The following FGGY variants were observed in gnomAD, a reference collection of about 807,000 sequenced individuals.
The protein encoded by FGGY is FGGY carbohydrate kinase domain-containing protein.
In FGGY, 72 loss-of-function variants were observed where a neutral mutation model predicts 71.3. The ratio of observed to expected loss-of-function variants is 1.01; its 90% confidence interval spans 0.84 to 1.23. The LOEUF (loss-of-function observed/expected upper bound fraction) is 1.23. Among genes scored for constraint, FGGY ranks in the 50% most tolerant of loss-of-function variants. The probability of loss-of-function intolerance (pLI) is 0.00; values close to 1 mark genes in which losing one functional copy is unlikely to be tolerated. For synonymous variants in FGGY, 251 were observed against 250.3 expected (o/e 1.00, Z -0.02); for missense variants, 668 against 682.3 (o/e 0.98, Z 0.23).
At chr1:59,350,390 A>G (rs1273899593) in intron 4 of FGGY, among the ~76,000 whole-genome samples, 1 of 152,196 alleles carries the variant, frequency 6.6e-6, no homozygotes, top group Non-Finnish European at 1.5e-5. Flanking sequence ...GCAATATACA[A>G]AGTGCTTTGG....
chr1:59,679,546 G>A (rs1444099650), intron 14 of FGGY, among the ~76,000 whole-genome samples: 1 of 151,616 alleles, frequency 6.6e-6, no homozygotes, highest in Non-Finnish European at 1.5e-5. Context: ...ACAAAAATAA[G>A]AAAATTTAAT....
At chr1:59,709,198 G>C (rs956012774) in intron 14 of FGGY, among the ~76,000 whole-genome samples, 10 of 152,190 alleles carry the variant, frequency 6.6e-5, no homozygotes, top group Non-Finnish European at 1.3e-4. Context: ...GTTCCACATG[G>C]CTGGGGAGGC....
In FGGY at chr1:59,363,157, G is replaced by T. The variant is rs1313956622; in HGVS notation, c.466-15592G>T. On this transcript the variant is annotated intron_variant, in intron 4 of 15. Coordinates refer to ENST00000303721, the MANE Select transcript of FGGY (RefSeq NM_018291.5). ...TGAACATGTATAATCTCACTGAATT[G>T]AATTCGGCTAACAATCCTATGAGTT... Among the ~76,000 whole-genome samples, 5 of 152,168 alleles carry T rather than the reference G, an allele frequency of 3.3e-5. No individual in the cohort carries two copies. The East Asian group carries it at 9.6e-4, about 29-fold the overall frequency.
intron 11 of FGGY, 55 bp from the exon 12 acceptor site, chr1:59,660,164 A>G (rs1287053117): frequency 1.3e-5 from 19 of 1,480,926 alleles, no homozygotes; most frequent in Admixed American, 1.7e-5. Flanking sequence ...AACTATCTTT[A>G]TCCACGGCAG....
chr1:59,713,569 A>G (rs1187743362), intron 14 of FGGY, among the ~76,000 whole-genome samples: 2 of 152,260 alleles, frequency 1.3e-5, no homozygotes, highest in Non-Finnish European at 2.9e-5. Flanking sequence ...TTCTGATATC[A>G]TGATAACCAC....
In FGGY at chr1:59,493,700, T is replaced by C. The variant is rs1229981050; in HGVS notation, c.671-18611T>C. Among the ~76,000 whole-genome samples the C allele has an allele frequency of 3.3e-5, 5 of 152,152 alleles. No homozygotes were observed. The East Asian group carries it at 9.6e-4, about 29-fold the overall frequency. ...TTTCAGTTTTGCAAGATGAAAAATG[T>C]TCTAGAAATGGGTGGTTGTAATGAT... On this transcript the variant is annotated intron_variant, in intron 6 of 15. Transcript: ENST00000303721.
intron 5 of FGGY, among the ~76,000 whole-genome samples, chr1:59,436,878 C>T (rs1181644438): frequency 6.6e-6 from 1 of 152,204 alleles, no homozygotes; most frequent in Non-Finnish European, 1.5e-5. Context: ...TTGTTTACCA[C>T]TGCCTAAGGC....
chr1:59,566,818 C>CTTT (rs1553297906), intron 8 of FGGY, among the ~76,000 whole-genome samples: 11 of 151,514 alleles, frequency 7.3e-5, no homozygotes, highest in African/African-American at 2.7e-4. Context: ...AAATTTATCC[C>CTTT]CTTGTATTTT....
rs148628620 is a variant in FGGY at position 59,381,903 on chromosome 1, T to C, written c.554+3066T>C. Among the ~76,000 whole-genome samples the C allele has an allele frequency of 2.7e-4, 41 of 152,256 alleles. No individual in the cohort carries two copies. The East Asian group carries it at 7.1e-3, about 27-fold the overall frequency. ...TATAAAATACTCATTGAGTGTGAAA[T>C]TGTGGCTACTATAATTAACAGAGTG... On this transcript the variant is annotated intron_variant, in intron 5 of 15. Coordinates refer to ENST00000303721, the MANE Select transcript of FGGY (RefSeq NM_018291.5).
intron 5 of FGGY, among the ~76,000 whole-genome samples, chr1:59,432,261 ATTC>A (rs1190384888): frequency 6.6e-6 from 1 of 152,018 alleles, no homozygotes; most frequent in East Asian, 1.9e-4. Flanking sequence ...TTGTATTTGT[ATTC>A]TTTATAATAA....
At chr1:59,354,170 C>T (rs986302915) in intron 4 of FGGY, among the ~76,000 whole-genome samples, 8 of 152,124 alleles carry the variant, frequency 5.3e-5, no homozygotes, top group Admixed American at 2.6e-4. Context: ...CTTTGCCTCC[C>T]AGGCTTGAGC....
intron 5 of FGGY, among the ~76,000 whole-genome samples, chr1:59,456,645 A>C (rs955557685): frequency 2.0e-5 from 3 of 152,020 alleles, no homozygotes; most frequent in Admixed American, 6.6e-5. Context: ...ACGGGGTTTG[A>C]CCATGTTGGC....
intron 14 of FGGY, 142 bp downstream of exon 14, chr1:59,674,275 T>G: frequency 1.7e-6 from 1 of 572,998 alleles, no homozygotes; most frequent in Non-Finnish European, 3.1e-6. Flanking sequence ...GCACAAACAC[T>G]TCTAGCCTCA....
chr1:59,545,275 G>A (rs974505573), intron 7 of FGGY, among the ~76,000 whole-genome samples: 3 of 152,164 alleles, frequency 2.0e-5, no homozygotes, highest in African/African-American at 4.8e-5. Context: ...AAGCATTTGT[G>A]TGCCTTCGAG....
intron 14 of FGGY, among the ~76,000 whole-genome samples, chr1:59,721,395 G>C (rs553181997): frequency 2.3e-5 from 3 of 129,124 alleles, no homozygotes; most frequent in African/African-American, 9.2e-5. Context: ...CTGGATTGCA[G>C]TGGCACAGTC....
intron 7 of FGGY, among the ~76,000 whole-genome samples, chr1:59,517,406 C>T (rs905016943): frequency 3.3e-5 from 5 of 150,894 alleles, no homozygotes; most frequent in Non-Finnish European, 5.9e-5. Flanking sequence ...GCTGGGACTA[C>T]AGGCGCCCGC....
At chr1:59,468,522 A>T in intron 6 of FGGY, among the ~76,000 whole-genome samples, 1 of 152,186 alleles carries the variant, frequency 6.6e-6, no homozygotes, top group East Asian at 1.9e-4. Context: ...AAATAAACTG[A>T]ACATTAAATG....
In FGGY at chr1:59,589,353, C is replaced by T. The variant is rs550391946; in HGVS notation, c.904-18450C>T. On this transcript the variant is annotated intron_variant, in intron 8 of 15. Coordinates refer to ENST00000303721, the MANE Select transcript of FGGY (RefSeq NM_018291.5). ...AATAATAATGGGAGACTTTAACACC[C>T]CACTGTCAACATTAGACAGATCAAC... Among the ~76,000 whole-genome samples, 4 of 152,170 alleles carry T rather than the reference C, an allele frequency of 2.6e-5. No homozygotes were observed. The East Asian group carries it at 7.7e-4, about 29-fold the overall frequency.
intron 2 of FGGY, among the ~76,000 whole-genome samples, chr1:59,338,625 A>T (rs1570605651): frequency 1.3e-5 from 2 of 151,952 alleles, no homozygotes; most frequent in Non-Finnish European, 2.9e-5. Flanking sequence ...TGCTAAGAGG[A>T]TTTTTTGACT....
Sources: gnomAD v4.1 joint callset for allele counts (sites outside exome capture counted in the v4.1 genomes callset) on GRCh38, gnomAD v4.1.1 for gene constraint, MANE v1.5 for transcripts, NCBI Gene and HGNC (gene_info 2026-07-23, HGNC 2026-07-21) for gene names.